The following ZMYND8 variants were observed in gnomAD, a reference collection of about 807,000 sequenced individuals.
ZMYND8 encodes the protein zinc finger MYND-type containing 8.
In ZMYND8, 37 loss-of-function variants were observed where a neutral mutation model predicts 140.8. That is an observed-to-expected ratio of 0.26 (90% CI 0.20 to 0.35). ZMYND8 has a LOEUF of 0.35. Ranked by LOEUF, ZMYND8 falls within the 10% of genes least tolerant of loss-of-function variation. The probability of loss-of-function intolerance (pLI) is 1.00; values close to 1 mark genes in which losing one functional copy is unlikely to be tolerated. For synonymous variants in ZMYND8, 592 were observed against 597.1 expected, an observed-to-expected ratio of 0.99 and a Z score of 0.12; for missense variants, 1,068 against 1,570.0, an observed-to-expected ratio of 0.68 and a Z score of 5.40.
rs1255741810 is a variant in ZMYND8, at chr20:47,210,804, C to T, written c.3662G>A (p.Ser1221Asn). The change falls in exon 23 of 23, where the codon AGC (serine) becomes AAC (asparagine). Residue 1221 changes from serine to asparagine, a missense_variant. This residue lies in a region of ZMYND8 where 180 missense variants were observed against 187.8 expected (regional missense o/e 0.96). Coordinates refer to ENST00000471951, the MANE Select transcript of ZMYND8 (RefSeq NM_001281775.3). ...CAGCCGAGACTCTTTCGGGAGGAGG[C>T]TCTTCGTGCTGGTACTGGTGTTGTG... is the stretch of plus-strand genomic sequence containing the variant. ...SDHNTSTSTK[S>N]LLPKESRLDT... 1 of 1,614,126 alleles carries T rather than the reference C, an allele frequency of 6.2e-7. No individual in the cohort carries two copies. The highest frequency in any genetic ancestry group is 8.5e-7 in the Non-Finnish European group (1 of 1,180,030).
At chr20:47,224,645 G>T in intron 18 of ZMYND8, 89 bp from the exon 19 acceptor site, 1 of 1,573,532 alleles carries the variant, frequency 6.4e-7, no homozygotes, top group Non-Finnish European at 8.6e-7. Context: ...GGCAGACGTG[G>T]ATGCAAGACC....
intron 3 of ZMYND8, among the ~76,000 whole-genome samples, chr20:47,309,089 T>C (rs1387231279): frequency 6.6e-6 from 1 of 152,188 alleles, no homozygotes; most frequent in African/African-American, 2.4e-5. Flanking sequence ...TTTTGTAATC[T>C]GAAGAGTATC....
chr20:47,340,005 C>T (rs974174470), intron 2 of ZMYND8, among the ~76,000 whole-genome samples: 11 of 151,956 alleles, frequency 7.2e-5, no homozygotes, highest in African/African-American at 2.4e-4. Flanking sequence ...TGCAGGGGCA[C>T]GATCTCAGCT....
intron 14 of ZMYND8, among the ~76,000 whole-genome samples, chr20:47,243,595 A>C (rs2040215830): frequency 6.6e-6 from 1 of 152,224 alleles, no homozygotes; most frequent in South Asian, 2.1e-4. Flanking sequence ...TTGAAATAGT[A>C]CAGATTTCTG....
At chr20:47,316,967 G>A (rs988081065) in intron 2 of ZMYND8, among the ~76,000 whole-genome samples, 1 of 152,148 alleles carries the variant, frequency 6.6e-6, no homozygotes, top group Non-Finnish European at 1.5e-5. Flanking sequence ...CCGAGGGCCA[G>A]AGCAGTACTG....
Position 47,294,580 on chromosome 20 carries a change from G to A in ZMYND8, c.567+86C>T. ...CAAGGAGGCCCAAAGAATACATCAG[G>A]TACCTAAAAAGCTAAGCTATTAACA... On this transcript the variant is annotated intron_variant, in intron 5 of 22. Transcript: ENST00000471951. 3.2e-6 allele frequency: 4 copies of A among 1,263,122 alleles called. No individual in the cohort carries two copies. In the South Asian group the frequency reaches 3.7e-5, roughly 12 times the overall value. The allele number at this position is 1,263,122 out of a possible 1,614,324, so 78.2% of individuals were successfully genotyped here. A position where few individuals can be genotyped will look rare whatever the true frequency, so the allele number is the denominator to read the frequency against.
chr20:47,242,017 CTG>C (rs2040032365), intron 14 of ZMYND8, among the ~76,000 whole-genome samples: 2 of 151,894 alleles, frequency 1.3e-5, no homozygotes, highest in African/African-American at 4.8e-5. Context: ...CGGGGTTTCA[CTG>C]TGTTAGCCAG....
At position 47,210,686 on chromosome 20, in the gene ZMYND8, C is replaced by G; in HGVS notation, c.*75G>C. The G allele has an allele frequency of 6.2e-7, 1 of 1,612,416 alleles. No homozygotes were observed. The highest frequency in any genetic ancestry group is 8.5e-7 in the Non-Finnish European group (1 of 1,178,904). On this transcript the variant is annotated 3_prime_UTR_variant, in exon 23 of 23. Coordinates refer to ENST00000471951, the MANE Select transcript of ZMYND8 (RefSeq NM_001281775.3). The stretch of plus-strand genomic sequence containing the variant: ...AGTCTGAAAGTGGCTGTTCTCCTGC[C>G]TTTGTTGTTTCTTCTTTTCCTGGCG...
chr20:47,292,662 G>A (rs2077340290), intron 5 of ZMYND8, among the ~76,000 whole-genome samples: 1 of 151,700 alleles, frequency 6.6e-6, no homozygotes, highest in African/African-American at 2.4e-5. Flanking sequence ...CTACATTTCT[G>A]TACAGTACTC....
intron 3 of ZMYND8, among the ~76,000 whole-genome samples, chr20:47,300,450 T>C (rs2077938605): frequency 6.6e-6 from 1 of 152,210 alleles, no homozygotes; most frequent in Non-Finnish European, 1.5e-5. Context: ...TGCATACTTT[T>C]TGATGATACT....
intron 8 of ZMYND8, among the ~76,000 whole-genome samples, 198 bp from the exon 9 acceptor site, chr20:47,283,846 A>G (rs1189738671): frequency 6.6e-6 from 1 of 152,052 alleles, no homozygotes; most frequent in East Asian, 1.9e-4. Flanking sequence ...CTCTGGACCA[A>G]TGCAACAGCT....
intron 2 of ZMYND8, among the ~76,000 whole-genome samples, chr20:47,317,553 G>GT (rs2079510350): frequency 6.6e-6 from 1 of 152,228 alleles, no homozygotes; most frequent in African/African-American, 2.4e-5. Flanking sequence ...TTTTGTGGGT[G>GT]TTTAATTTCC....
chr20:47,299,046 A>G, intron 3 of ZMYND8, 99 bp from the exon 4 acceptor site: 3 of 1,138,972 alleles, frequency 2.6e-6, no homozygotes, highest in Non-Finnish European at 3.9e-6. Context: ...AGAAAATAAC[A>G]GCATTTCACA....
intron 14 of ZMYND8, among the ~76,000 whole-genome samples, chr20:47,245,792 G>T (rs190551113): frequency 7.3e-4 from 111 of 152,308 alleles, no homozygotes; most frequent in African/African-American, 2.2e-3. Context: ...GCAGGTTAAA[G>T]GTAGGCAGGC....
intron 21 of ZMYND8, among the ~76,000 whole-genome samples, chr20:47,214,892 T>C (rs1440856692): frequency 6.6e-6 from 1 of 152,110 alleles, no homozygotes; most frequent in African/African-American, 2.4e-5. Flanking sequence ...GAAGATACCA[T>C]GATTCTAGCC....
intron 5 of ZMYND8, among the ~76,000 whole-genome samples, chr20:47,293,232 G>C (rs564444626): frequency 1.2e-4 from 12 of 96,272 alleles, no homozygotes; most frequent in East Asian, 1.1e-3. Context: ...GGGAGGGAGG[G>C]AGGGAAGGAC....
chr20:47,294,193 C>CAA (rs34322080), intron 5 of ZMYND8, among the ~76,000 whole-genome samples: 93 of 146,482 alleles, frequency 6.3e-4, no homozygotes, highest in Middle Eastern at 3.5e-3. Flanking sequence ...ACTAAAAATA[C>CAA]AAAAAAAAAA....
chr20:47,353,214 A>G (rs2082943329), intron 1 of ZMYND8: 1 of 152,158 alleles, frequency 6.6e-6, no homozygotes. Flanking sequence ...CCCTCATCCT[A>G]TTTAAGACCT....
intron 21 of ZMYND8, among the ~76,000 whole-genome samples, chr20:47,215,642 T>C (rs2035983273): frequency 6.6e-6 from 1 of 152,044 alleles, no homozygotes; most frequent in African/African-American, 2.4e-5. Flanking sequence ...TCCAAGTAGC[T>C]GGGACTACAG....
Sources: allele counts gnomAD v4.1 joint callset (sites outside exome capture counted in the v4.1 genomes callset), GRCh38; gene constraint gnomAD v4.1.1; regional missense constraint gnomAD v4.1.1; transcripts MANE v1.5; gene names NCBI Gene and HGNC (gene_info 2026-07-23, HGNC 2026-07-21).